DCHS2: variants seen among roughly 807,000 people sequenced by gnomAD.
DCHS2 encodes protocadherin-23.
In DCHS2, 142 loss-of-function variants were observed where a neutral mutation model predicts 182.4. The observed-to-expected ratio is 0.78, with a 90% confidence interval of 0.68 to 0.89. DCHS2 has a LOEUF of 0.89. Among genes scored for constraint, DCHS2 ranks in the 40% least tolerant of loss-of-function variants. The pLI, the probability that DCHS2 is intolerant of heterozygous loss-of-function variation, is 0.00. For synonymous variants in DCHS2, 1,740 were observed against 1,663.3 expected, an observed-to-expected ratio of 1.05 and a Z score of -1.12; for missense variants, 4,319 against 4,198.6, an observed-to-expected ratio of 1.03 and a Z score of -0.79.
intron 3 of DCHS2, among the ~76,000 whole-genome samples, chr4:154,342,069 CA>C (rs928979517): frequency 2.7e-5 from 4 of 150,830 alleles, no homozygotes; most frequent in African/African-American, 9.7e-5. Context: ...GCCAATACTG[CA>C]AAAAAAAGTG....
chr4:154,472,741 T>C (rs1735523120), intron 1 of DCHS2, among the ~76,000 whole-genome samples: 1 of 151,982 alleles, frequency 6.6e-6, no homozygotes, highest in Non-Finnish European at 1.5e-5. Context: ...GTTTCAGAGA[T>C]GACCCCACCC....
At chr4:154,331,299 A>T (rs1374080221) in intron 5 of DCHS2, among the ~76,000 whole-genome samples, 2 of 152,196 alleles carry the variant, frequency 1.3e-5, no homozygotes, top group Non-Finnish European at 2.9e-5. Flanking sequence ...CCATACAATG[A>T]AATTAGGAAT....
intron 1 of DCHS2, among the ~76,000 whole-genome samples, chr4:154,404,062 T>C (rs948617052): frequency 5.3e-5 from 8 of 152,246 alleles, no homozygotes; most frequent in South Asian, 2.1e-4. Context: ...AATATTTGTG[T>C]TCTACTTCAT....
intron 1 of DCHS2, among the ~76,000 whole-genome samples, chr4:154,399,086 C>T (rs558259365): frequency 1.3e-5 from 2 of 152,284 alleles, no homozygotes; most frequent in South Asian, 4.2e-4. Flanking sequence ...TTTGGAGTTT[C>T]ATGAACAATT....
intron 3 of DCHS2, among the ~76,000 whole-genome samples, chr4:154,364,054 A>G (rs369756920): frequency 6.6e-6 from 1 of 152,326 alleles, no homozygotes; most frequent in Admixed American, 6.5e-5. Context: ...CTTCAATCTA[A>G]ATACACGGGT....
chr4:154,410,634 A>G (rs1732593674), intron 1 of DCHS2, among the ~76,000 whole-genome samples: 1 of 151,480 alleles, frequency 6.6e-6, no homozygotes. Flanking sequence ...TGGGACACCA[A>G]TAAGCAAACA....
rs748684901 is a variant in DCHS2 at position 154,239,309 on chromosome 4, G to A, written c.7360-7C>T. ...TTGATTCAGGAACTGTGACCTGAGG[G>A]AAAAAGAGAAAAATAGGGACATTGT... On this transcript the variant is annotated splice_region_variant and splice_polypyrimidine_tract_variant and intron_variant, in intron 18 of 19. Transcript: ENST00000357232. 4 of 1,610,274 alleles carry A rather than the reference G, an allele frequency of 2.5e-6. No homozygotes were observed. The South Asian group carries it at 3.3e-5, about 13-fold the overall frequency.
chr4:154,298,488 C>T lies in DCHS2; in HGVS notation c.5826G>A (p.Val1942=), dbSNP rs1436169606. The T allele has an allele frequency of 6.2e-7, 1 of 1,614,004 alleles. No individual in the cohort carries two copies. Among genetic ancestry groups the T allele is most frequent in the Non-Finnish European group, 8.5e-7 (1 of 1,179,990 alleles). The change falls in exon 13 of 20, where the codon GTG becomes GTA. Residue 1942 remains valine (V), a synonymous_variant. Coordinates refer to ENST00000357232, the MANE Select transcript of DCHS2 (RefSeq NM_001358235.2). ...SFPTLYYQSS[V]REDAEVGTVV... is the part of the protein sequence containing the mutation. ...CTGTTCCCACTTCAGCATCTTCTCT[C>T]ACAGAGGACTGGTAATAAAGTGTGG...
chr4:154,317,852 T>C (rs1735917479), intron 9 of DCHS2, among the ~76,000 whole-genome samples: 1 of 152,140 alleles, frequency 6.6e-6, no homozygotes, highest in Non-Finnish European at 1.5e-5. Context: ...AATAAATGCT[T>C]CTTCAAAAAA....
At chr4:154,464,706 G>A (rs570975946) in intron 1 of DCHS2, among the ~76,000 whole-genome samples, 10 of 152,264 alleles carry the variant, frequency 6.6e-5, no homozygotes, top group Admixed American at 5.9e-4. Context: ...GGTTCCAGCA[G>A]GGAGAACTAG....
At chr4:154,366,489 T>G in intron 2 of DCHS2, 48 bp from the exon 3 acceptor site, 1 of 1,254,992 alleles carries the variant, frequency 8.0e-7, no homozygotes, top group Non-Finnish European at 1.2e-6. Flanking sequence ...TGCTGAACAC[T>G]AGGATGTAGA....
At chr4:154,397,550 T>C (rs1364287839) in intron 1 of DCHS2, among the ~76,000 whole-genome samples, 1 of 152,208 alleles carries the variant, frequency 6.6e-6, no homozygotes, top group Admixed American at 6.5e-5. Context: ...CACAAAACTG[T>C]GACACCCTTT....
In DCHS2 at chr4:154,235,411, C is replaced by A. The variant is rs375679010; in HGVS notation, c.9241G>T (p.Asp3081Tyr). The A allele has an allele frequency of 6.9e-5, 112 of 1,613,946 alleles. No individual in the cohort carries two copies. Among genetic ancestry groups the A allele is most frequent in the Non-Finnish European group, 9.1e-5 (107 of 1,179,984 alleles). ...GAGTGTCTGTACAGATTGACAATAT[C>A]CTTCTCCATGATACTTATTAAACTC... ...WLSLISIMEK[D>Y]IVNLYRHSNS... Residue 3081 changes from aspartate to tyrosine, a missense_variant, in exon 20 of 20, where the codon GAT becomes TAT. Coordinates refer to ENST00000357232, the MANE Select transcript of DCHS2 (RefSeq NM_001358235.2).
At chr4:154,336,508 G>T (rs568250624) in intron 3 of DCHS2, among the ~76,000 whole-genome samples, 1 of 152,268 alleles carries the variant, frequency 6.6e-6, no homozygotes, top group East Asian at 1.9e-4. Context: ...TGCAGTCTTT[G>T]CCAGTTTAGG....
In DCHS2 at chr4:154,304,632, A is replaced by AAAACAAACAAAC. The variant is rs70947158; in HGVS notation, c.5605+25_5605+36dup. ...TGACAGAGTGAGACTCTGTCTTAAA[A>AAAACAAACAAAC]AAACAAACAAACAAACAAACAAACA... On this transcript the variant is annotated intron_variant, in intron 12 of 19. Transcript: ENST00000357232. The AAAACAAACAAAC allele has an allele frequency of 8.7e-4, 1,306 of 1,499,442 alleles. 3 individuals carry two copies. The highest frequency in any genetic ancestry group is 7.0e-3 in the Middle Eastern group (29 of 4,116). 92.9% of individuals were successfully genotyped at this position (1,499,442 alleles called of 1,614,324 possible).
intron 1 of DCHS2, among the ~76,000 whole-genome samples, chr4:154,467,452 C>G (rs1735284347): frequency 6.6e-6 from 1 of 152,060 alleles, no homozygotes; most frequent in South Asian, 2.1e-4. Flanking sequence ...TAAATACATA[C>G]TCTATAGCCA....
rs373489427 is a variant in DCHS2, at chr4:154,490,804, G to T, written c.552C>A (p.Thr184=). Residue 184 remains threonine, a synonymous_variant, in exon 1 of 20, where the codon ACC becomes ACA. Transcript: ENST00000357232. ...CGTGGGCAACTGGCAGGCGGAAGGCGGTCCCTGGCGGGCTGAGCTCGGAGA... is the reference window on the plus strand; with the variant it reads ...CGTGGGCAACTGGCAGGCGGAAGGCTGTCCCTGGCGGGCTGAGCTCGGAGA... ...LDVSELSPPG[T]AFRLPVAHDP... The T allele has an allele frequency of 9.7e-6, 15 of 1,551,412 alleles. No homozygotes were observed. Among genetic ancestry groups the T allele is most frequent in the Non-Finnish European group, 1.2e-5 (14 of 1,146,896 alleles).
At chr4:154,333,803 A>ACCAT (rs1728634534) in intron 4 of DCHS2, 2 of 356,376 alleles carry the variant, frequency 5.6e-6, no homozygotes, top group Non-Finnish European at 1.0e-5. Context: ...GGTAGGCCAC[A>ACCAT]CCATCCAGGT....
At chr4:154,305,998 G>C (rs1174150650) in intron 10 of DCHS2, among the ~76,000 whole-genome samples, 1 of 152,064 alleles carries the variant, frequency 6.6e-6, no homozygotes, top group Non-Finnish European at 1.5e-5. Flanking sequence ...ACACAGTACT[G>C]AGAATATATG....
Sources: gnomAD v4.1 joint callset for allele counts (sites outside exome capture counted in the v4.1 genomes callset) on GRCh38, gnomAD v4.1.1 for gene constraint, MANE v1.5 for transcripts, NCBI Gene and HGNC (gene_info 2026-07-23, HGNC 2026-07-21) for gene names.